Variants in SNX5 observed in about 807,000 individuals in gnomAD.
SNX5 encodes sorting nexin 5.
In SNX5, 31 loss-of-function variants were observed where a neutral mutation model predicts 53.9. The observed-to-expected ratio is 0.58, with a 90% CI of 0.43 to 0.78. The LOEUF (loss-of-function observed/expected upper bound fraction) is 0.78. Ranked by LOEUF, SNX5 falls within the 30% of genes least tolerant of loss-of-function variation. SNX5 has a pLI of 0.00. For synonymous variants in SNX5, 168 were observed against 171.1 expected (o/e 0.98, Z 0.14); for missense variants, 471 against 478.8 (o/e 0.98, Z 0.15).
chr20:17,961,908 T>C (rs1461933798), intron 1 of SNX5: 9 of 985,108 alleles, frequency 9.1e-6, no homozygotes, highest in Non-Finnish European at 1.1e-5. Flanking sequence ...CCAATATTTG[T>C]TAAGTGAGAA....
At chr20:17,955,030 A>T (rs1156512851) in intron 3 of SNX5, among the ~76,000 whole-genome samples, 3 of 152,192 alleles carry the variant, frequency 2.0e-5, no homozygotes, top group Admixed American at 6.5e-5. Flanking sequence ...TCTTATCACA[A>T]ACTATTACCA....
chr20:17,954,590 T>G (rs2035322519), intron 3 of SNX5, among the ~76,000 whole-genome samples: 1 of 152,176 alleles, frequency 6.6e-6, no homozygotes, highest in Non-Finnish European at 1.5e-5. Context: ...CAATCATCAT[T>G]TGGAGAGCTT....
At chr20:17,945,644 G>A (rs1187612678) in intron 11 of SNX5, 2 of 149,492 alleles carry the variant, frequency 1.3e-5, no homozygotes, top group African/African-American at 4.9e-5. Flanking sequence ...AGCTGTAATT[G>A]TTTCAGAAAC....
At chr20:17,959,458 T>C (rs1420045895) in intron 1 of SNX5, among the ~76,000 whole-genome samples, 2 of 119,870 alleles carry the variant, frequency 1.7e-5, no homozygotes, top group African/African-American at 3.3e-5. Flanking sequence ...ATATCAAACA[T>C]CCGAGGTTCA....
Position 17,950,220 on chromosome 20 carries a change from GGAC to G in SNX5, c.716-16_716-14del. On this transcript the variant is annotated splice_polypyrimidine_tract_variant and intron_variant, in intron 7 of 12. Coordinates refer to ENST00000377759, the MANE Select transcript of SNX5 (RefSeq NM_014426.4). Reference sequence around the variant, plus strand: ...TCATCGGCAACATCTGCAGAAACAAGGACAAGTCTTTTTATCCAAACACAGCCA... The same window carrying G: ...TCATCGGCAACATCTGCAGAAACAAGAAGTCTTTTTATCCAAACACAGCCA... 6.2e-7 allele frequency: 1 copy of G among 1,614,128 alleles called. No individual in the cohort carries two copies. The highest frequency in any genetic ancestry group is 8.5e-7 in the Non-Finnish European group (1 of 1,179,952).
intron 2 of SNX5, among the ~76,000 whole-genome samples, chr20:17,956,148 T>TA (rs990907531): frequency 2.0e-5 from 3 of 152,084 alleles, no homozygotes; most frequent in African/African-American, 4.8e-5. Flanking sequence ...AAATAAATTT[T>TA]AAAAAAACCT....
chr20:17,952,080 G>A (rs1048981121), intron 5 of SNX5, among the ~76,000 whole-genome samples: 15 of 152,066 alleles, frequency 9.9e-5, no homozygotes, highest in African/African-American at 3.1e-4. Context: ...AAAATAAGCC[G>A]GGTGTGGTGG....
chr20:17,945,294 A>G (rs1416859196), intron 11 of SNX5: 1 of 152,158 alleles, frequency 6.6e-6, no homozygotes, highest in African/African-American at 2.4e-5. Flanking sequence ...GCCCTTACCC[A>G]CTGACTCAAC....
At chr20:17,949,158 A>T (rs2039529282) in intron 8 of SNX5, 55 bp from the exon 9 acceptor site, 2 of 1,461,386 alleles carry the variant, frequency 1.4e-6, no homozygotes. Context: ...ATAAAACATG[A>T]TCTTACCAGT....
rs6105848 is a variant in SNX5, at chr20:17,950,104, G to C, written c.791+28C>G. 2.5e-6 allele frequency: 4 copies of C among 1,599,388 alleles called. No homozygotes were observed. In the African/African-American group the frequency reaches 4.0e-5, roughly 16 times the overall value. Reference sequence around the variant, plus strand: ...CACTCGGCACTCTTCAATTGGGTTAGGGGAAATGCTTTTCCAAAAAAACTT... The same window carrying C: ...CACTCGGCACTCTTCAATTGGGTTACGGGAAATGCTTTTCCAAAAAAACTT... On this transcript the variant is annotated intron_variant, in intron 8 of 12. Coordinates refer to ENST00000377759, the MANE Select transcript of SNX5 (RefSeq NM_014426.4).
intron 1 of SNX5, among the ~76,000 whole-genome samples, chr20:17,967,162 C>T (rs1157913590): frequency 6.6e-6 from 1 of 152,040 alleles, no homozygotes; most frequent in African/African-American, 2.4e-5. Context: ...CAATTGAGTC[C>T]TTTTACCTAG....
At chr20:17,950,503 C>T (rs1421096573) in intron 6 of SNX5, 107 bp from the exon 7 acceptor site, 13 of 660,314 alleles carry the variant, frequency 2.0e-5, no homozygotes, top group Admixed American at 5.8e-5. Flanking sequence ...GGCATATAAA[C>T]GTGAGTAAAG....
chr20:17,968,321 C>G (rs2122454081), intron 1 of SNX5, 54 bp downstream of exon 1: 5 of 1,230,596 alleles, frequency 4.1e-6, no homozygotes, highest in Non-Finnish European at 5.1e-6. Flanking sequence ...AATGCAGCGA[C>G]CCCGGAGCTC....
chr20:17,956,983 G>A lies in SNX5; in HGVS notation c.106C>T (p.Pro36Ser). The A allele has an allele frequency of 6.2e-7, 1 of 1,610,326 alleles. No individual in the cohort carries two copies. The highest frequency in any genetic ancestry group is 8.5e-7 in the Non-Finnish European group (1 of 1,176,744). The stretch of plus-strand genomic sequence containing the variant: ...TTGTCTCTCTCACTGAGCGCATCAG[G>A]TATGTCAATCTGAAGCGAGGGATCA... ...NVDPSLQIDI[P>S]DALSERDKVK... The change falls in exon 2 of 13, where the codon CCT becomes TCT. Residue 36 changes from proline to serine, a missense_variant. Physicochemically the swap from Pro to Ser is moderately conservative, Grantham distance 74. Transcript: ENST00000377759.
chr20:17,958,295 CTT>C (rs1388817235), intron 1 of SNX5, among the ~76,000 whole-genome samples: 9 of 152,302 alleles, frequency 5.9e-5, no homozygotes, highest in Non-Finnish European at 5.9e-5. Context: ...CCAAATTTCC[CTT>C]TGGGTCCCTT....
chr20:17,957,056 G>T lies in SNX5; in HGVS notation c.52-19C>A, dbSNP rs756929052. ...ATCTCAGCTGAAATACATTTTTTGC[G>T]TATTAGTTTCAAACTCATTTGGCCC... On this transcript the variant is annotated intron_variant, in intron 1 of 12. Transcript: ENST00000377759. 3 of 1,421,424 alleles carry T rather than the reference G, an allele frequency of 2.1e-6. No individual in the cohort carries two copies. The highest frequency in any genetic ancestry group is 2.8e-5 in the African/African-American group (2 of 71,108). 88.1% of individuals were successfully genotyped at this position (1,421,424 alleles called of 1,614,324 possible).
Position 17,968,598 on chromosome 20 carries a change from C to G in SNX5, c.-173G>C. ...GACTCCGCCACCATCCCAGCTGCCC[C>G]GGGAGCAGGCGAGCAGGGCGCCACG... On this transcript the variant is annotated 5_prime_UTR_variant, in exon 1 of 13. Coordinates refer to ENST00000377759, the MANE Select transcript of SNX5 (RefSeq NM_014426.4). The G allele has an allele frequency of 1.6e-6, 1 of 644,228 alleles. No homozygotes were observed. The highest frequency in any genetic ancestry group is 3.8e-4 in the Middle Eastern group (1 of 2,614). 39.9% of individuals were successfully genotyped at this position (644,228 alleles called of 1,614,324 possible). A position where few individuals can be genotyped will look rare whatever the true frequency, so the allele number is the denominator to read the frequency against.
At chr20:17,961,076 A>G (rs185901268) in intron 1 of SNX5, 1 of 938,670 alleles carries the variant, frequency 1.1e-6, no homozygotes, top group African/African-American at 1.8e-5. Context: ...GCTTTTGGTA[A>G]GAGAGCCAAG....
rs73599782 is a variant in SNX5 at position 17,966,316 on chromosome 20, C to T, written c.51+2059G>A. ...AGGAGAATCGCTTGAACCCAGAAAG[C>T]GGAAGTTGCAGTGAGCTGAGATCGA... On this transcript the variant is annotated intron_variant, in intron 1 of 12. Transcript: ENST00000377759. 9.1e-3 allele frequency among the ~76,000 whole-genome samples: 1,368 copies of T among 150,958 alleles called. 43 individuals are homozygous for T. The East Asian group carries it at 0.11, about 12-fold the overall frequency.
Sources: gnomAD v4.1 joint callset for allele counts (sites outside exome capture counted in the v4.1 genomes callset) on GRCh38, gnomAD v4.1.1 for gene constraint, MANE v1.5 for transcripts, NCBI Gene and HGNC (gene_info 2026-07-23, HGNC 2026-07-21) for gene names.